PCDHGA3: variants seen among roughly 807,000 people sequenced by gnomAD.
PCDHGA3 encodes the protein protocadherin gamma subfamily A, 3.
In PCDHGA3, 40 loss-of-function variants were observed where a neutral mutation model predicts 58.5. The ratio of observed to expected loss-of-function variants is 0.68; its 90% CI spans 0.53 to 0.89. The LOEUF (loss-of-function observed/expected upper bound fraction) is 0.89. Among genes scored for constraint, PCDHGA3 ranks in the 40% least tolerant of loss-of-function variants. The pLI is 0.00. For missense variants in PCDHGA3, 1,223 were observed against 1,195.9 expected (o/e 1.02, Z -0.33); for synonymous variants, 530 against 525.7 (o/e 1.01, Z -0.11).
At chr5:141,418,851 G>A (rs778281594) in intron 1 of PCDHGA3, 9 of 1,613,906 alleles carry the variant, frequency 5.6e-6, no homozygotes, top group South Asian at 2.2e-5. Context: ...TCAACACGGT[G>A]TAAAGTAATT....
At chr5:141,383,551 G>T (rs772901140) in intron 1 of PCDHGA3, 11 of 1,612,380 alleles carry the variant, frequency 6.8e-6, no homozygotes, top group Non-Finnish European at 9.3e-6. Context: ...CTCTGATGGC[G>T]GCGACCCGCC....
intron 1 of PCDHGA3, chr5:141,352,712 G>A (rs1182377694): frequency 2.6e-6 from 4 of 1,540,858 alleles, no homozygotes; most frequent in Non-Finnish European, 2.6e-6. Flanking sequence ...TATGGCGGCC[G>A]GGCGCGGTGG....
rs962136728 is a variant in PCDHGA3 at position 141,491,524 on chromosome 5, G to A, written c.2425-3283G>A. 1 of 1,613,960 alleles carries A rather than the reference G, an allele frequency of 6.2e-7. No homozygotes were observed. The highest frequency in any genetic ancestry group is 1.3e-5 in the African/African-American group (1 of 74,936). On this transcript the variant is annotated intron_variant, in intron 1 of 3. Coordinates refer to ENST00000253812, the MANE Select transcript of PCDHGA3 (RefSeq NM_018916.4). The surrounding 1 kb of genome is among the most constrained non-coding windows in gnomAD (Gnocchi z 6.9). ...GGACGGCACGCTCAAGTACATGGAG[G>A]TGACGCTGCGGCCCACAGACTCGCA...
rs779651957 is a variant in PCDHGA3, at chr5:141,431,167, T to G, written c.2425-63640T>G. 2 of 1,614,118 alleles carry G rather than the reference T, an allele frequency of 1.2e-6. No individual in the cohort carries two copies. Among genetic ancestry groups the G allele is most frequent in the Non-Finnish European group, 1.7e-6 (2 of 1,180,014 alleles). The stretch of plus-strand genomic sequence containing the variant: ...ACAATGCGCCTTACTTTCGTGAAAG[T>G]GAATTAGAAATAAAAATTAGTGAAA... On this transcript the variant is annotated intron_variant, in intron 1 of 3. Transcript: ENST00000253812. The surrounding 1 kb of genome is among the most constrained non-coding windows in gnomAD (Gnocchi z 4.8).
chr5:141,478,372 G>A (rs778468803), intron 1 of PCDHGA3: 2 of 1,613,704 alleles, frequency 1.2e-6, no homozygotes, highest in Non-Finnish European at 8.5e-7. Flanking sequence ...GAGGCCTGAT[G>A]TCGCCGCACC....
chr5:141,377,296 T>A (rs555068589), intron 1 of PCDHGA3: 1 of 152,208 alleles, frequency 6.6e-6, no homozygotes, highest in Non-Finnish European at 1.5e-5. Flanking sequence ...TTAATTTAGG[T>A]CAGTGTTAAA....
chr5:141,352,361 C>T, intron 1 of PCDHGA3: 1 of 1,614,054 alleles, frequency 6.2e-7, no homozygotes, highest in Non-Finnish European at 8.5e-7. Context: ...GCTCTTTCTC[C>T]TCGCGGTGAT....
chr5:141,384,485 A>G (rs1410076707), intron 1 of PCDHGA3: 1 of 1,614,130 alleles, frequency 6.2e-7, no homozygotes, highest in Non-Finnish European at 8.5e-7. Context: ...AGAGAACTAC[A>G]ACTAAGAGTG....
chr5:141,432,227 T>C lies in PCDHGA3; in HGVS notation c.2425-62580T>C, dbSNP rs1046414550. On this transcript the variant is annotated intron_variant, in intron 1 of 3. Coordinates refer to ENST00000253812, the MANE Select transcript of PCDHGA3 (RefSeq NM_018916.4). This position sits in a 1 kb window ranked among gnomAD's most constrained non-coding sequence, Gnocchi z 6.0. ...TGAAGAGAACGCCCAGATCACTTATTCCCTGGCTGAGAACACCATCCAAGG... is the reference window on the plus strand; with the variant it reads ...TGAAGAGAACGCCCAGATCACTTATCCCCTGGCTGAGAACACCATCCAAGG... 1.4e-5 allele frequency: 22 copies of C among 1,614,080 alleles called. No individual in the cohort carries two copies. The highest frequency in any genetic ancestry group is 1.8e-5 in the Non-Finnish European group (21 of 1,180,042).
intron 1 of PCDHGA3, chr5:141,398,825 C>A (rs747230922): frequency 6.2e-7 from 1 of 1,613,994 alleles, no homozygotes; most frequent in South Asian, 1.1e-5. Flanking sequence ...ATCCAGGTAA[C>A]CGACGCCAAT....
chr5:141,438,627 TATATATATACACAC>T (rs1407400493), intron 1 of PCDHGA3, among the ~76,000 whole-genome samples: 2,053 of 47,724 alleles, frequency 0.043, 22 homozygotes, highest in African/African-American at 0.13. Context: ...TATATATATA[TATATATATACACAC>T]ACACACACAC....
chr5:141,365,691 A>C, intron 1 of PCDHGA3: 5 of 1,613,420 alleles, frequency 3.1e-6, no homozygotes, highest in Non-Finnish European at 4.2e-6. Context: ...AATTTCCCTC[A>C]AGCCTCCTAC....
intron 1 of PCDHGA3, chr5:141,364,669 A>T (rs1763470346): frequency 1.9e-6 from 3 of 1,613,898 alleles, no homozygotes; most frequent in Non-Finnish European, 2.5e-6. Flanking sequence ...TTGAGAACAA[A>T]ATGAAAATTT....
intron 1 of PCDHGA3, chr5:141,478,619 A>G: frequency 6.4e-7 from 1 of 1,555,598 alleles, no homozygotes; most frequent in Non-Finnish European, 8.7e-7. Context: ...GAAGGAATGG[A>G]GCTGTTTTTT....
At chr5:141,425,827 T>C (rs2096896512) in intron 1 of PCDHGA3, among the ~76,000 whole-genome samples, 1 of 152,226 alleles carries the variant, frequency 6.6e-6, no homozygotes, top group South Asian at 2.1e-4. Context: ...AAACAAACTT[T>C]TAAATTCTCT....
chr5:141,458,633 A>C (rs548586597), intron 1 of PCDHGA3, among the ~76,000 whole-genome samples: 12 of 151,884 alleles, frequency 7.9e-5, no homozygotes, highest in Non-Finnish European at 1.5e-4. Flanking sequence ...GCAGTGGCAC[A>C]ATCCCAGCTC....
chr5:141,382,948 T>C, intron 1 of PCDHGA3: 4 of 1,599,496 alleles, frequency 2.5e-6, no homozygotes, highest in Non-Finnish European at 3.4e-6. Flanking sequence ...CTTCCTGCTC[T>C]CCATCCTCCT....
At chr5:141,355,755 G>A (rs761483033) in intron 1 of PCDHGA3, 64 of 1,613,806 alleles carry the variant, frequency 4.0e-5, no homozygotes, top group Non-Finnish European at 5.3e-5. Context: ...TGCAAAGTGG[G>A]GCCGATGGGA....
At chr5:141,381,866 G>A (rs1166624603) in intron 1 of PCDHGA3, among the ~76,000 whole-genome samples, 3 of 53,342 alleles carry the variant, frequency 5.6e-5, no homozygotes, top group Non-Finnish European at 6.8e-5. Flanking sequence ...TTTTGCTCTT[G>A]TTGTCCAGGC....
Sources: gnomAD v4.1 joint callset for allele counts (sites outside exome capture counted in the v4.1 genomes callset) on GRCh38, gnomAD v4.1.1 for gene constraint, Gnocchi (gnomAD v3.1) non-coding constraint, MANE v1.5 for transcripts, NCBI Gene and HGNC (gene_info 2026-07-23, HGNC 2026-07-21) for gene names.